The following DNAH11 variants were observed in gnomAD, a reference collection of about 807,000 sequenced individuals.
DNAH11 encodes the protein axonemal beta dynein heavy chain 11.
A neutral mutation model predicts 526.0 loss-of-function variants in DNAH11; 442 were observed. The ratio of observed to expected loss-of-function variants is 0.84; its 90% CI spans 0.78 to 0.91. The LOEUF is 0.91. DNAH11 is among the 40% of genes least tolerant of loss of function. The pLI is 0.00. For synonymous variants in DNAH11, 2,461 were observed against 1,935.9 expected (o/e 1.27, Z -7.12); for missense variants, 6,989 against 5,448.7 (o/e 1.28, Z -8.90).
intron 30 of DNAH11, among the ~76,000 whole-genome samples, chr7:21,677,262 G>T (rs1367269916): frequency 1.3e-5 from 2 of 149,766 alleles, no homozygotes; most frequent in African/African-American, 2.5e-5. Context: ...TCTATGCTGG[G>T]CATTGACATC....
Position 21,588,620 on chromosome 7 carries a change from G to A in DNAH11, c.1957G>A (p.Ala653Thr). 4 of 1,613,350 alleles carry A rather than the reference G, an allele frequency of 2.5e-6. No individual in the cohort carries two copies. Among genetic ancestry groups the A allele is most frequent in the Non-Finnish European group, 3.4e-6 (4 of 1,179,398 alleles). Residue 653 changes from alanine (A) to threonine (T), a missense_variant, in exon 11 of 82, where the codon GCA becomes ACA. By Grantham distance (58) the Ala-to-Thr change is moderately conservative. Transcript: ENST00000409508. ...QRLQMFWSNFASLRYLFLGNP... is the reference protein window; with the variant it reads ...QRLQMFWSNFTSLRYLFLGNP... ...ACTTCAAATGTTTTGGTCAAACTTC[G>A]CATCTCTCCGTTATCTGTAAGTAGT...
chr7:21,651,243 G>A (rs569683042), intron 28 of DNAH11, among the ~76,000 whole-genome samples: 10 of 152,216 alleles, frequency 6.6e-5, no homozygotes, highest in Middle Eastern at 3.2e-3. Context: ...ATAAGCGGCA[G>A]CAGCATCTTT....
intron 30 of DNAH11, among the ~76,000 whole-genome samples, chr7:21,676,817 C>T (rs763706492): frequency 1.3e-5 from 2 of 152,162 alleles, no homozygotes; most frequent in Non-Finnish European, 2.9e-5. Context: ...CTGCAAAGAC[C>T]GGATATCTTG....
intron 68 of DNAH11, among the ~76,000 whole-genome samples, chr7:21,861,105 A>C (rs960852720): frequency 6.6e-6 from 1 of 152,186 alleles, no homozygotes; most frequent in Admixed American, 6.5e-5. Flanking sequence ...ATAATAGCCA[A>C]ACTCATAGAA....
At chr7:21,588,670 T>C (rs761540599) in intron 11 of DNAH11, 34 bp downstream of exon 11, 15 of 1,605,500 alleles carry the variant, frequency 9.3e-6, no homozygotes, top group South Asian at 2.2e-5. Flanking sequence ...GGCAAGTTAT[T>C]CTAATGGTAC....
chr7:21,697,049 T>A (rs1260605903), intron 35 of DNAH11, among the ~76,000 whole-genome samples: 2 of 152,142 alleles, frequency 1.3e-5, no homozygotes, highest in Non-Finnish European at 2.9e-5. Flanking sequence ...ATAACCTAGA[T>A]CCAAAGATAC....
chr7:21,639,483 T>G (rs1391987094), intron 28 of DNAH11, among the ~76,000 whole-genome samples: 2 of 152,212 alleles, frequency 1.3e-5, no homozygotes, highest in Non-Finnish European at 2.9e-5. Context: ...ATTATGACAT[T>G]GGGCTTATCT....
chr7:21,555,066 T>TTACTA lies in DNAH11; in HGVS notation c.496-3735_496-3731dup, dbSNP rs367548345. Among the ~76,000 whole-genome samples, 479 of 152,250 alleles carry TTACTA rather than the reference T, an allele frequency of 3.1e-3. 2 individuals carry two copies. Among genetic ancestry groups the TTACTA allele is most frequent in the African/African-American group, 0.011 (460 of 41,540 alleles). Reference sequence around the variant, plus strand: ...GGGCTTTTCACTGGGCAGGAACTTTTTACTAGGCTTCTTTTCTTCTTTGAA... The same window carrying TTACTA: ...GGGCTTTTCACTGGGCAGGAACTTTTTACTATACTAGGCTTCTTTTCTTCTTTGAA... On this transcript the variant is annotated intron_variant, in intron 2 of 81. Coordinates refer to ENST00000409508, the MANE Select transcript of DNAH11 (RefSeq NM_001277115.2).
chr7:21,566,736 A>C (rs1783684056), intron 6 of DNAH11, among the ~76,000 whole-genome samples: 1 of 152,166 alleles, frequency 6.6e-6, no homozygotes, highest in Non-Finnish European at 1.5e-5. Flanking sequence ...AATGTGACCT[A>C]ATACATGGTA....
intron 9 of DNAH11, among the ~76,000 whole-genome samples, chr7:21,583,588 C>A (rs1306608186): frequency 6.6e-6 from 1 of 152,156 alleles, no homozygotes; most frequent in Non-Finnish European, 1.5e-5. Context: ...CAAATGGGAT[C>A]TAATTAAACT....
At chr7:21,762,473 G>C (rs1349873357) in intron 54 of DNAH11, among the ~76,000 whole-genome samples, 1 of 152,194 alleles carries the variant, frequency 6.6e-6, no homozygotes, top group Non-Finnish European at 1.5e-5. Flanking sequence ...TGACAGATGA[G>C]TTGGGTGTGG....
At chr7:21,782,455 G>C (rs1336531461) in intron 57 of DNAH11, among the ~76,000 whole-genome samples, 1 of 152,214 alleles carries the variant, frequency 6.6e-6, no homozygotes, top group African/African-American at 2.4e-5. Flanking sequence ...AAACGGTATT[G>C]AGAATGAGAA....
intron 2 of DNAH11, among the ~76,000 whole-genome samples, chr7:21,546,778 GTTC>G (rs1782820303): frequency 6.6e-6 from 1 of 152,102 alleles, no homozygotes; most frequent in African/African-American, 2.4e-5. Flanking sequence ...ATGTCATTTG[GTTC>G]TTCTCAGTCA....
At chr7:21,877,681 C>T (rs369827721) in intron 74 of DNAH11, among the ~76,000 whole-genome samples, 1 of 151,910 alleles carries the variant, frequency 6.6e-6, no homozygotes, top group East Asian at 1.9e-4. Flanking sequence ...TGAGATCATC[C>T]TGGCTAAAAA....
chr7:21,755,489 C>T lies in DNAH11; in HGVS notation c.8940+5125C>T, dbSNP rs565594733. ...TCCATCCCAAGATTTTAGATATTTG[C>T]CTCATTATCTTTCTAAGTATATATA... On this transcript the variant is annotated intron_variant, in intron 54 of 81. Coordinates refer to ENST00000409508, the MANE Select transcript of DNAH11 (RefSeq NM_001277115.2). 2.6e-5 allele frequency among the ~76,000 whole-genome samples: 4 copies of T among 151,990 alleles called. No homozygotes were observed. The East Asian group carries it at 7.7e-4, about 29-fold the overall frequency.
Position 21,686,958 on chromosome 7 carries a change from G to A in DNAH11, c.5622-141G>A, listed in dbSNP as rs1218092292. Reference sequence around the variant, plus strand: ...AAATATTCTGATTCATTATTGCCATGAACAAATCAGAAGTATATCAGTATT... The same window carrying A: ...AAATATTCTGATTCATTATTGCCATAAACAAATCAGAAGTATATCAGTATT... On this transcript the variant is annotated intron_variant, in intron 32 of 81. Coordinates refer to ENST00000409508, the MANE Select transcript of DNAH11 (RefSeq NM_001277115.2). 5.9e-6 allele frequency: 4 copies of A among 674,050 alleles called. No individual in the cohort carries two copies. In the African/African-American group the frequency reaches 7.4e-5, roughly 12 times the overall value. 41.8% of individuals were successfully genotyped at this position (674,050 alleles called of 1,614,324 possible).
rs566329286 is a variant in DNAH11 at position 21,719,166 on chromosome 7, G to A, written c.7134+1241G>A. On this transcript the variant is annotated intron_variant, in intron 43 of 81. Transcript: ENST00000409508. ...CTTTCTTTTGTTGTATTCAGAAAGGGCATTTAATTTTTAGCTCCTTTTAAG... is the reference window on the plus strand; with the variant it reads ...CTTTCTTTTGTTGTATTCAGAAAGGACATTTAATTTTTAGCTCCTTTTAAG... 3.4e-4 allele frequency among the ~76,000 whole-genome samples: 52 copies of A among 152,222 alleles called. 1 individual carries two copies. The highest frequency in any genetic ancestry group is 1.2e-3 in the African/African-American group (51 of 41,544).
intron 58 of DNAH11, among the ~76,000 whole-genome samples, 170 bp from the exon 59 acceptor site, chr7:21,786,453 AC>A (rs1182918177): frequency 1.3e-5 from 2 of 152,066 alleles, no homozygotes; most frequent in Non-Finnish European, 2.9e-5. Flanking sequence ...CAAGAACTGA[AC>A]CTCCTGGAGT....
chr7:21,735,642 A>G lies in DNAH11; in HGVS notation c.7443A>G (p.Thr2481=), dbSNP rs1007904406. Residue 2481 remains threonine (T), a splice_region_variant and synonymous_variant, in exon 46 of 82, where the codon ACA becomes ACG. Coordinates refer to ENST00000409508, the MANE Select transcript of DNAH11 (RefSeq NM_001277115.2). ...TCTCATTCTGTTTCTCCTCCCAGAC[A>G]GTTCTCGTTCACACAACAGAGACAG... ...FTMDPDVPLQ[T]VLVHTTETAR... 1 of 1,579,056 alleles carries G rather than the reference A, an allele frequency of 6.3e-7. No homozygotes were observed. Among genetic ancestry groups the G allele is most frequent in the South Asian group, 1.1e-5 (1 of 87,268 alleles).
Sources: gnomAD v4.1 joint callset for allele counts (sites outside exome capture counted in the v4.1 genomes callset) on GRCh38, gnomAD v4.1.1 for gene constraint, MANE v1.5 for transcripts, NCBI Gene and HGNC (gene_info 2026-07-23, HGNC 2026-07-21) for gene names.